Variants in VPS8 observed in about 807,000 individuals in gnomAD.
The protein encoded by VPS8 is vacuolar protein sorting-associated protein 8 homolog.
VPS8 carries 129 observed loss-of-function variants against 216.4 expected under a neutral mutation model. The ratio of observed to expected loss-of-function variants is 0.60; its 90% CI spans 0.52 to 0.69. The LOEUF (loss-of-function observed/expected upper bound fraction) is 0.69, where lower values mean the gene tolerates loss of function less well. VPS8 is among the 30% of genes least tolerant of loss of function. The probability of loss-of-function intolerance (pLI) is 0.00; values close to 1 mark genes in which losing one functional copy is unlikely to be tolerated. For synonymous variants in VPS8, 571 were observed against 565.4 expected, an observed-to-expected ratio of 1.01 and a Z score of -0.14; for missense variants, 1,531 against 1,683.5, an observed-to-expected ratio of 0.91 and a Z score of 1.59.
At chr3:184,857,343 C>T (rs992113181) in intron 14 of VPS8, among the ~76,000 whole-genome samples, 13 of 152,370 alleles carry the variant, frequency 8.5e-5, no homozygotes, top group African/African-American at 2.9e-4. Flanking sequence ...CCTATCTTTA[C>T]TTTCAACTCA....
chr3:184,891,943 G>C (rs1314142952), intron 22 of VPS8, among the ~76,000 whole-genome samples: 2 of 152,094 alleles, frequency 1.3e-5, no homozygotes, highest in Non-Finnish European at 2.9e-5. Context: ...AATGTACAAA[G>C]TAAATTTAAC....
At chr3:185,006,591 A>G (rs945966187) in intron 45 of VPS8, among the ~76,000 whole-genome samples, 2 of 152,222 alleles carry the variant, frequency 1.3e-5, no homozygotes, top group African/African-American at 2.4e-5. Context: ...TGAAAATACT[A>G]ATTCTACTGT....
intron 17 of VPS8, 52 bp from the exon 18 acceptor site, chr3:184,867,972 A>T: frequency 6.3e-7 from 1 of 1,595,184 alleles, no homozygotes. Flanking sequence ...TGTATCTCCC[A>T]AAGAAGTCTG....
intron 30 of VPS8, among the ~76,000 whole-genome samples, chr3:184,925,972 A>G (rs1172072994): frequency 2.0e-5 from 3 of 150,580 alleles, no homozygotes; most frequent in East Asian, 2.0e-4. Context: ...ATGGGGTTTC[A>G]CCATGCTGGC....
chr3:184,880,270 A>G (rs1029377106), intron 21 of VPS8, among the ~76,000 whole-genome samples: 20 of 152,122 alleles, frequency 1.3e-4, no homozygotes, highest in Non-Finnish European at 2.4e-4. Flanking sequence ...TCATCACCAC[A>G]TGGATCCCTC....
At chr3:184,958,672 C>A (rs1414489632) in intron 37 of VPS8, among the ~76,000 whole-genome samples, 1 of 152,040 alleles carries the variant, frequency 6.6e-6, no homozygotes, top group African/African-American at 2.4e-5. Flanking sequence ...TCAGTGATTC[C>A]AAGTCAGAAA....
At chr3:184,971,592 C>A in intron 39 of VPS8, 57 bp from the exon 40 acceptor site, 1 of 1,372,620 alleles carries the variant, frequency 7.3e-7, no homozygotes, top group Non-Finnish European at 1.0e-6. Flanking sequence ...TTCACAGAGG[C>A]TCTGAGATTA....
At chr3:184,880,605 TAAAA>T (rs1227350526) in intron 21 of VPS8, among the ~76,000 whole-genome samples, 1 of 152,218 alleles carries the variant, frequency 6.6e-6, no homozygotes, top group Non-Finnish European at 1.5e-5. Context: ...TTGGGGCTGT[TAAAA>T]ATAAAGTGGC....
intron 1 of VPS8, among the ~76,000 whole-genome samples, chr3:184,816,999 A>C (rs1206721926): frequency 2.0e-5 from 3 of 152,196 alleles, no homozygotes; most frequent in African/African-American, 7.2e-5. Flanking sequence ...AGTATGGTAC[A>C]TTTCCACTGT....
chr3:184,870,876 A>G, intron 21 of VPS8, 71 bp downstream of exon 21: 1 of 1,312,858 alleles, frequency 7.6e-7, no homozygotes, highest in South Asian at 1.3e-5. Flanking sequence ...ATGTTACTTG[A>G]GAATGTGACT....
Position 184,947,125 on chromosome 3 carries a change from C to A in VPS8, c.3035+6882C>A, listed in dbSNP as rs940894835. On this transcript the variant is annotated intron_variant, in intron 36 of 47. Transcript: ENST00000625842. ...GATAGTAAAATCTGTTCCCAGATTC[C>A]GCTGGTACCTGCTGGTGCTTTCTCT... 2.0e-5 allele frequency among the ~76,000 whole-genome samples: 3 copies of A among 152,108 alleles called. No individual in the cohort carries two copies. The East Asian group carries it at 5.8e-4, about 29-fold the overall frequency.
At chr3:184,919,815 C>T (rs1738295494) in intron 28 of VPS8, among the ~76,000 whole-genome samples, 2 of 152,058 alleles carry the variant, frequency 1.3e-5, no homozygotes, top group African/African-American at 4.8e-5. Context: ...AACCTTTGCT[C>T]CCAAATTACC....
At chr3:184,918,414 A>T (rs1329337458) in intron 28 of VPS8, among the ~76,000 whole-genome samples, 1 of 152,218 alleles carries the variant, frequency 6.6e-6, no homozygotes, top group Non-Finnish European at 1.5e-5. Context: ...CCATTAGTAC[A>T]TCTTTGCATA....
At chr3:184,955,394 A>G (rs917010860) in intron 36 of VPS8, among the ~76,000 whole-genome samples, 2 of 152,048 alleles carry the variant, frequency 1.3e-5, no homozygotes, top group East Asian at 1.9e-4. Flanking sequence ...TGCCTTCTCT[A>G]TCTCTGCGGT....
At chr3:185,017,624 C>T (rs1055119971) in intron 45 of VPS8, among the ~76,000 whole-genome samples, 1 of 152,234 alleles carries the variant, frequency 6.6e-6, no homozygotes, top group African/African-American at 2.4e-5. Flanking sequence ...TTAAACTAGA[C>T]CTTCCTAAAA....
intron 42 of VPS8, among the ~76,000 whole-genome samples, chr3:184,990,071 CAAAAAAAAAGAA>C (rs1437754686): frequency 6.7e-6 from 1 of 149,200 alleles, no homozygotes; most frequent in East Asian, 2.0e-4. Flanking sequence ...AGACTGTCTA[CAAAAAAAAAGAA>C]AAAAGAAAAG....
chr3:184,949,425 A>G (rs1349450495), intron 36 of VPS8, among the ~76,000 whole-genome samples: 1 of 152,342 alleles, frequency 6.6e-6, no homozygotes, highest in African/African-American at 2.4e-5. Flanking sequence ...GTGATGTGTC[A>G]GAGTCTTTGC....
chr3:185,024,642 G>C (rs549567512), intron 46 of VPS8, among the ~76,000 whole-genome samples: 1 of 152,204 alleles, frequency 6.6e-6, no homozygotes, highest in African/African-American at 2.4e-5. Flanking sequence ...GCATGGTATC[G>C]TGGTATCAAT....
At chr3:184,877,669 A>G (rs995048014) in intron 21 of VPS8, among the ~76,000 whole-genome samples, 2 of 152,210 alleles carry the variant, frequency 1.3e-5, no homozygotes, top group African/African-American at 2.4e-5. Flanking sequence ...TAGAACCACC[A>G]TAGATACACA....
Sources: allele counts gnomAD v4.1 joint callset (sites outside exome capture counted in the v4.1 genomes callset), GRCh38; gene constraint gnomAD v4.1.1; transcripts MANE v1.5; gene names NCBI Gene and HGNC (gene_info 2026-07-23, HGNC 2026-07-21).